GMFB: variants seen among roughly 807,000 people sequenced by gnomAD.
The protein encoded by GMFB is GMF-beta.
A neutral mutation model predicts 25.6 loss-of-function variants in GMFB; 13 were observed. The ratio of observed to expected loss-of-function variants is 0.51; its 90% CI spans 0.33 to 0.81. The LOEUF (loss-of-function observed/expected upper bound fraction) is 0.81, where lower values mean the gene tolerates loss of function less well. Ranked by LOEUF, GMFB falls within the 30% of genes least tolerant of loss-of-function variation. The pLI is 0.02. For missense variants in GMFB, 146 were observed against 175.4 expected (o/e 0.83, Z 0.95); for synonymous variants, 57 against 56.9 (o/e 1.00, Z 0.00).
At chr14:54,483,408 AC>A (rs1054679192) in intron 2 of GMFB, 48 of 389,152 alleles carry the variant, frequency 1.2e-4, no homozygotes, top group Non-Finnish European at 8.4e-5. Flanking sequence ...AATCCTCATT[AC>A]CCAAGGACCA....
chr14:54,484,278 A>G (rs995589035), intron 1 of GMFB, among the ~76,000 whole-genome samples: 1 of 152,004 alleles, frequency 6.6e-6, no homozygotes, highest in Non-Finnish European at 1.5e-5. Context: ...GACCAATAAT[A>G]TTTTATATTA....
In GMFB at chr14:54,481,396, A is replaced by G. The variant is rs1277181755; in HGVS notation, c.200+13T>C. ...AAGAAAATAAATCTTTTAAAGCACT[A>G]AGAAAAGGATATCGAGGTTGTCGTT... On this transcript the variant is annotated intron_variant, in intron 4 of 6. Transcript: ENST00000358056. 6.4e-7 allele frequency: 1 copy of G among 1,564,072 alleles called. No homozygotes were observed. Among genetic ancestry groups the G allele is most frequent in the South Asian group, 1.1e-5 (1 of 90,080 alleles).
intron 1 of GMFB, among the ~76,000 whole-genome samples, chr14:54,485,564 A>T (rs146990018): frequency 2.0e-4 from 31 of 152,328 alleles, no homozygotes; most frequent in African/African-American, 7.2e-4. Flanking sequence ...ATTACAAGAC[A>T]TAATATTGTT....
In GMFB at chr14:54,478,163, TA is replaced by T. The variant is rs76915130; in HGVS notation, c.358-5del. The T allele has an allele frequency of 0.035, 30,562 of 861,148 alleles. 79 individuals are homozygous for T. Among genetic ancestry groups the T allele is most frequent in the South Asian group, 0.094 (3,478 of 36,834 alleles). 53.3% of individuals were successfully genotyped at this position (861,148 alleles called of 1,614,324 possible). On this transcript the variant is annotated splice_polypyrimidine_tract_variant and splice_region_variant and intron_variant, in intron 6 of 6. Coordinates refer to ENST00000358056, the MANE Select transcript of GMFB (RefSeq NM_004124.3). ...CGGTATTTCTTATTTCAAATACCTTTAAAAAAAAAAAAAACTTGGGTCATAC... is the reference window on the plus strand; with the variant it reads ...CGGTATTTCTTATTTCAAATACCTTTAAAAAAAAAAAAACTTGGGTCATAC...
chr14:54,487,261 G>A (rs565068206), intron 1 of GMFB, among the ~76,000 whole-genome samples: 7 of 151,860 alleles, frequency 4.6e-5, no homozygotes, highest in African/African-American at 1.4e-4. Flanking sequence ...GCCGGGCGCG[G>A]TGGCTCACGC....
intron 1 of GMFB, 163 bp from the exon 2 acceptor site, chr14:54,483,930 A>C (rs780826842): frequency 1.3e-5 from 9 of 694,696 alleles, no homozygotes; most frequent in Non-Finnish European, 2.1e-5. Context: ...AAAATCAACC[A>C]ACCTTTGGAT....
At position 54,475,059 on chromosome 14, in the gene GMFB, G is replaced by GA; in HGVS notation, c.*3028_*3029insT. The GA allele has an allele frequency of 6.6e-6, 1 of 152,510 alleles. No individual in the cohort carries two copies. Among genetic ancestry groups the GA allele is most frequent in the Non-Finnish European group, 1.5e-5 (1 of 67,978 alleles). The allele number at this position is 152,510 out of a possible 1,614,324, so 9.4% of individuals were successfully genotyped here. On this transcript the variant is annotated 3_prime_UTR_variant, in exon 7 of 7. Coordinates refer to ENST00000358056, the MANE Select transcript of GMFB (RefSeq NM_004124.3). ...TGAACAAATAGGGAAAGCAACCATA[G>GA]TAAGAATACTTGAATTGATAGAATA... is the stretch of plus-strand genomic sequence containing the variant.
intron 1 of GMFB, among the ~76,000 whole-genome samples, chr14:54,484,919 AC>A (rs2031762850): frequency 6.6e-6 from 1 of 152,210 alleles, no homozygotes; most frequent in Non-Finnish European, 1.5e-5. Context: ...TAACAGAATA[AC>A]AAAAATCGTA....
At chr14:54,480,824 G>A in intron 5 of GMFB, 50 bp downstream of exon 5, 2 of 896,810 alleles carry the variant, frequency 2.2e-6, no homozygotes, top group South Asian at 2.9e-5. Flanking sequence ...GTATAAAATG[G>A]CTTAATTGGA....
intron 2 of GMFB, among the ~76,000 whole-genome samples, chr14:54,482,903 A>T (rs1356274127): frequency 6.7e-6 from 1 of 150,180 alleles, no homozygotes; most frequent in Non-Finnish European, 1.5e-5. Context: ...TTTCACTTTT[A>T]TTTTTTTTTC....
intron 3 of GMFB, 175 bp downstream of exon 3, chr14:54,481,978 G>A (rs1437303955): frequency 5.2e-6 from 3 of 573,754 alleles, no homozygotes; most frequent in South Asian, 2.2e-5. Flanking sequence ...TTTAAACAAG[G>A]TAGTTAAATT....
intron 1 of GMFB, among the ~76,000 whole-genome samples, chr14:54,485,892 A>C (rs1019023128): frequency 3.9e-5 from 6 of 152,202 alleles, no homozygotes; most frequent in African/African-American, 1.4e-4. Flanking sequence ...AAAAACATAC[A>C]CTGGGGAAAG....
Position 54,483,694 on chromosome 14 carries a change from T to A in GMFB, c.77A>T (p.Glu26Val). Residue 26 changes from glutamate to valine, a missense_variant, in exon 2 of 7, where the codon GAA (glutamate) becomes GTA (valine). Transcript: ENST00000358056. ...ACTTATAATAGCAGCGTTGTTCGTT[T>A]CTTTGCGAAAACGAAACTTTCTCAG... The part of the protein sequence containing the change: ...EKLRKFRFRK[E>V]TNNAAIIMKI... The A allele has an allele frequency of 6.3e-7, 1 of 1,598,802 alleles. No individual in the cohort carries two copies. Among genetic ancestry groups the A allele is most frequent in the Non-Finnish European group, 8.6e-7 (1 of 1,166,202 alleles).
chr14:54,486,203 T>C (rs1167451864), intron 1 of GMFB, among the ~76,000 whole-genome samples: 3 of 152,098 alleles, frequency 2.0e-5, no homozygotes, highest in South Asian at 2.1e-4. Flanking sequence ...TGAGCCGAGA[T>C]TGCACCACTG....
At chr14:54,481,297 T>C (rs1400481927) in intron 4 of GMFB, 112 bp downstream of exon 4, 1 of 741,654 alleles carries the variant, frequency 1.3e-6, no homozygotes, top group African/African-American at 1.8e-5. Flanking sequence ...ATATTTTAAT[T>C]TGGCTGTCAT....
At chr14:54,488,898 G>A in intron 1 of GMFB, 27 bp downstream of exon 1, 1 of 1,554,654 alleles carries the variant, frequency 6.4e-7, no homozygotes. Flanking sequence ...CAGCCCTCCG[G>A]CCCCCGCCCT....
At chr14:54,486,357 C>T (rs2031782806) in intron 1 of GMFB, among the ~76,000 whole-genome samples, 1 of 152,152 alleles carries the variant, frequency 6.6e-6, no homozygotes, top group Admixed American at 6.5e-5. Flanking sequence ...AACTATACAA[C>T]CACTAGAAGA....
At chr14:54,481,377 A>T in intron 4 of GMFB, 32 bp downstream of exon 4, 1 of 1,463,952 alleles carries the variant, frequency 6.8e-7, no homozygotes, top group Non-Finnish European at 9.6e-7. Context: ...ACTAAAGAAA[A>T]TAAATCTTTT....
intron 2 of GMFB, among the ~76,000 whole-genome samples, chr14:54,482,654 G>A (rs568010922): frequency 2.6e-5 from 4 of 152,164 alleles, no homozygotes; most frequent in South Asian, 2.1e-4. Context: ...TTCATGGCAC[G>A]GTATCATTAT....
Sources: allele counts gnomAD v4.1 joint callset (sites outside exome capture counted in the v4.1 genomes callset), GRCh38; gene constraint gnomAD v4.1.1; transcripts MANE v1.5; gene names NCBI Gene and HGNC (gene_info 2026-07-23, HGNC 2026-07-21).